The following CAMK4 variants were observed in gnomAD, a reference collection of about 807,000 sequenced individuals.
The protein encoded by CAMK4 is calcium/calmodulin dependent protein kinase IV.
Under a neutral mutation model 44.9 loss-of-function variants are expected in CAMK4, and 22 were observed. That is an observed-to-expected ratio of 0.49 (90% CI 0.35 to 0.70). The LOEUF is 0.70. Ranked by LOEUF, CAMK4 falls within the 30% of genes least tolerant of loss-of-function variation. The pLI is 0.01. For missense variants in CAMK4, 498 were observed against 586.8 expected, an observed-to-expected ratio of 0.85 and a Z score of 1.56; for synonymous variants, 218 against 215.4, an observed-to-expected ratio of 1.01 and a Z score of -0.11.
chr5:111,465,394 A>G (rs1174175981), intron 7 of CAMK4, among the ~76,000 whole-genome samples: 1 of 152,140 alleles, frequency 6.6e-6, no homozygotes, highest in East Asian at 1.9e-4. Flanking sequence ...CAAAAAAATT[A>G]CAAAAAATAA....
chr5:111,361,567 C>T (rs1346171924), intron 2 of CAMK4, among the ~76,000 whole-genome samples: 1 of 151,946 alleles, frequency 6.6e-6, no homozygotes, highest in Non-Finnish European at 1.5e-5. Flanking sequence ...GAAGAAAGGA[C>T]GGAGTATATT....
chr5:111,386,103 T>A (rs1751591677), intron 4 of CAMK4, among the ~76,000 whole-genome samples: 1 of 152,178 alleles, frequency 6.6e-6, no homozygotes, highest in South Asian at 2.1e-4. Flanking sequence ...GAAAAGTATA[T>A]GAACTTGACA....
At chr5:111,257,156 C>A (rs570391218) in intron 1 of CAMK4, among the ~76,000 whole-genome samples, 1 of 152,108 alleles carries the variant, frequency 6.6e-6, no homozygotes, top group Non-Finnish European at 1.5e-5. Flanking sequence ...CAAATGGGAT[C>A]TAATTAAACT....
At chr5:111,435,616 G>C (rs902104625) in intron 5 of CAMK4, among the ~76,000 whole-genome samples, 5 of 152,138 alleles carry the variant, frequency 3.3e-5, no homozygotes, top group Non-Finnish European at 7.4e-5. Context: ...TGCAGACTCA[G>C]GAGCTTCCCT....
intron 1 of CAMK4, among the ~76,000 whole-genome samples, chr5:111,315,676 T>C (rs1286613598): frequency 1.3e-5 from 2 of 152,146 alleles, no homozygotes; most frequent in Non-Finnish European, 2.9e-5. Context: ...CTAATTCTTT[T>C]ACCCCAATGT....
At chr5:111,280,457 C>A (rs1750962862) in intron 1 of CAMK4, among the ~76,000 whole-genome samples, 2 of 152,136 alleles carry the variant, frequency 1.3e-5, no homozygotes, top group Admixed American at 1.3e-4. Context: ...AAGTGACCTA[C>A]CAGAGGTCTT....
chr5:111,272,552 T>G (rs1021393919), intron 1 of CAMK4, among the ~76,000 whole-genome samples: 4 of 152,176 alleles, frequency 2.6e-5, no homozygotes, highest in African/African-American at 7.2e-5. Flanking sequence ...TTTAACATAT[T>G]CATATCATGT....
intron 1 of CAMK4, among the ~76,000 whole-genome samples, chr5:111,245,303 T>C (rs985900463): frequency 2.6e-5 from 4 of 152,208 alleles, no homozygotes; most frequent in Admixed American, 2.0e-4. Context: ...ACTATGGTGA[T>C]AGGCTGTCAA....
At chr5:111,423,248 G>A (rs1158945171) in intron 5 of CAMK4, among the ~76,000 whole-genome samples, 1 of 152,054 alleles carries the variant, frequency 6.6e-6, no homozygotes, top group Non-Finnish European at 1.5e-5. Context: ...ACTTTCCATG[G>A]AAAATAATGG....
At chr5:111,421,008 G>A (rs1376744201) in intron 5 of CAMK4, among the ~76,000 whole-genome samples, 2 of 152,194 alleles carry the variant, frequency 1.3e-5, no homozygotes, top group African/African-American at 4.8e-5. Flanking sequence ...AATCACAAGG[G>A]TATTGATTGG....
intron 5 of CAMK4, among the ~76,000 whole-genome samples, chr5:111,440,703 C>G (rs1244572077): frequency 2.0e-5 from 3 of 151,014 alleles, no homozygotes; most frequent in Non-Finnish European, 4.5e-5. Flanking sequence ...CATATCCAAA[C>G]TCAGCTATTT....
chr5:111,234,292 C>T (rs901292287), intron 1 of CAMK4, among the ~76,000 whole-genome samples: 3 of 152,128 alleles, frequency 2.0e-5, no homozygotes, highest in South Asian at 2.1e-4. Context: ...TGGGTACATA[C>T]GTGCAACTGT....
At chr5:111,310,764 C>A (rs540517693) in intron 1 of CAMK4, among the ~76,000 whole-genome samples, 2 of 152,132 alleles carry the variant, frequency 1.3e-5, no homozygotes, top group East Asian at 3.9e-4. Flanking sequence ...AGTATATTGG[C>A]CTTTTAAAAT....
intron 1 of CAMK4, among the ~76,000 whole-genome samples, chr5:111,265,202 T>C (rs1370110339): frequency 2.0e-5 from 3 of 152,220 alleles, no homozygotes; most frequent in African/African-American, 7.2e-5. Flanking sequence ...AACACTGATA[T>C]GCTTCATAAG....
At chr5:111,238,353 A>G (rs1156387057) in intron 1 of CAMK4, among the ~76,000 whole-genome samples, 1 of 152,118 alleles carries the variant, frequency 6.6e-6, no homozygotes, top group Non-Finnish European at 1.5e-5. Context: ...GCAGAAAATT[A>G]GGTTTAGGTG....
chr5:111,372,265 A>G (rs903763428), intron 2 of CAMK4, among the ~76,000 whole-genome samples: 3 of 152,294 alleles, frequency 2.0e-5, no homozygotes, highest in East Asian at 1.9e-4. Context: ...GTGTCTGACA[A>G]CATTCACTAT....
chr5:111,237,198 A>G (rs766118967), intron 1 of CAMK4, among the ~76,000 whole-genome samples: 6 of 152,214 alleles, frequency 3.9e-5, no homozygotes, highest in South Asian at 2.1e-4. Flanking sequence ...GGTTTCCACA[A>G]TTGAAACTCC....
At chr5:111,320,687 G>A (rs1748626120) in intron 1 of CAMK4, among the ~76,000 whole-genome samples, 1 of 152,078 alleles carries the variant, frequency 6.6e-6, no homozygotes, top group African/African-American at 2.4e-5. Flanking sequence ...TGTATTTTTA[G>A]TAGAGGCGGG....
At chr5:111,374,629 C>G (rs1367116271) in intron 2 of CAMK4, among the ~76,000 whole-genome samples, 1 of 152,052 alleles carries the variant, frequency 6.6e-6, no homozygotes, top group Admixed American at 6.6e-5. Context: ...AGGAGTCTGA[C>G]AAGTTGTGAT....
Sources: gnomAD v4.1 joint callset for allele counts (sites outside exome capture counted in the v4.1 genomes callset) on GRCh38, gnomAD v4.1.1 for gene constraint, MANE v1.5 for transcripts, NCBI Gene and HGNC (gene_info 2026-07-23, HGNC 2026-07-21) for gene names.